PDE1C: variants seen among roughly 807,000 people sequenced by gnomAD.
PDE1C encodes the protein dual specificity calcium/calmodulin-dependent 3',5'-cyclic nucleotide phosphodiesterase 1C.
PDE1C carries 62 observed loss-of-function variants against 93.1 expected under a neutral mutation model. The ratio of observed to expected loss-of-function variants is 0.67; its 90% CI spans 0.54 to 0.82. PDE1C has a LOEUF of 0.82. Ranked by LOEUF, PDE1C falls within the 40% of genes least tolerant of loss-of-function variation. The probability of loss-of-function intolerance (pLI) is 0.00; values close to 1 mark genes in which losing one functional copy is unlikely to be tolerated. For missense variants in PDE1C, 742 were observed against 884.6 expected, an observed-to-expected ratio of 0.84 and a Z score of 2.04; for synonymous variants, 325 against 310.1, an observed-to-expected ratio of 1.05 and a Z score of -0.50.
At chr7:31,851,189 G>C (rs1583602793) in intron 7 of PDE1C, among the ~76,000 whole-genome samples, 1 of 152,124 alleles carries the variant, frequency 6.6e-6, no homozygotes. Flanking sequence ...CCACTAGGAA[G>C]TGGGTAGAGA....
intron 2 of PDE1C, among the ~76,000 whole-genome samples, chr7:32,035,697 C>T (rs1790976404): frequency 6.6e-6 from 1 of 152,106 alleles, no homozygotes; most frequent in African/African-American, 2.4e-5. Flanking sequence ...AAATGAGTTG[C>T]CAAAAGCCAG....
intron 15 of PDE1C, among the ~76,000 whole-genome samples, chr7:31,812,519 CT>C (rs1787683355): frequency 6.6e-6 from 1 of 152,024 alleles, no homozygotes; most frequent in African/African-American, 2.4e-5. Context: ...CTAAGAATGG[CT>C]TTTACATTTT....
At chr7:31,685,258 G>A in the PDE1C span, among the ~76,000 whole-genome samples, 2 of 152,306 alleles carry the variant, frequency 1.3e-5, no homozygotes, top group East Asian at 1.9e-4. Context: ...GGAGCAGGAG[G>A]TTAGGAAGGA....
intron 1 of PDE1C, among the ~76,000 whole-genome samples, chr7:32,271,292 C>T (rs1214876916): frequency 2.0e-5 from 3 of 152,164 alleles, no homozygotes; most frequent in Non-Finnish European, 4.4e-5. Context: ...AAGAGTTTTG[C>T]TTTTTGTTTG....
At chr7:31,990,067 T>C (rs1328025291) in intron 2 of PDE1C, among the ~76,000 whole-genome samples, 2 of 152,164 alleles carry the variant, frequency 1.3e-5, no homozygotes, top group African/African-American at 2.4e-5. Flanking sequence ...ACATGTGCTA[T>C]GGGAGACATG....
At chr7:32,319,556 G>C (rs564879283) in intron 1 of PDE1C, among the ~76,000 whole-genome samples, 2 of 152,324 alleles carry the variant, frequency 1.3e-5, no homozygotes, top group South Asian at 4.1e-4. Flanking sequence ...TCTAGGGGAG[G>C]CAAAACGGGA....
intron 1 of PDE1C, among the ~76,000 whole-genome samples, chr7:32,292,322 G>C (rs1419768736): frequency 6.6e-6 from 1 of 152,060 alleles, no homozygotes; most frequent in African/African-American, 2.4e-5. Context: ...CAAATTTTTA[G>C]GTGTACGACA....
chr7:32,013,419 C>A (rs1482230346), intron 2 of PDE1C, among the ~76,000 whole-genome samples: 2 of 152,180 alleles, frequency 1.3e-5, no homozygotes, highest in Non-Finnish European at 2.9e-5. Flanking sequence ...AGTTTTGCCA[C>A]AAGAATACAC....
chr7:32,290,087 G>A (rs894479221), intron 1 of PDE1C, among the ~76,000 whole-genome samples: 8 of 152,112 alleles, frequency 5.3e-5, no homozygotes, highest in Non-Finnish European at 5.9e-5. Flanking sequence ...GGAAGGCCTG[G>A]TTCTCAGGCC....
chr7:32,084,667 A>G (rs1275280571), intron 3 of PDE1C, among the ~76,000 whole-genome samples: 6 of 149,934 alleles, frequency 4.0e-5, no homozygotes, highest in East Asian at 1.9e-4. Flanking sequence ...AGACCACAGT[A>G]CAATCAAACT....
chr7:32,374,053 G>T (rs1301578438), intron 1 of PDE1C, among the ~76,000 whole-genome samples: 1 of 137,778 alleles, frequency 7.3e-6, no homozygotes, highest in African/African-American at 2.7e-5. Flanking sequence ...AATAAAGAAA[G>T]GGAGGTAGGC....
At position 31,766,937 on chromosome 7, in the gene PDE1C, C is replaced by T. The variant is rs115603395; in HGVS notation, c.1960+8727G>A. ...TTTCTTTTACTATGCATTAGCAAAC[C>T]TAATGTATGGCAAAAGTTTTTTTAT... On this transcript the variant is annotated intron_variant, in intron 17 of 17. Coordinates refer to ENST00000396191, the MANE Select transcript of PDE1C (RefSeq NM_001191057.4). Among the ~76,000 whole-genome samples the T allele has an allele frequency of 5.4e-3, 825 of 152,182 alleles. 6 individuals carry two copies. The highest frequency in any genetic ancestry group is 0.018 in the African/African-American group (759 of 41,496).
rs151206931 is a variant in PDE1C at position 32,403,785 on chromosome 7, A to G, written c.310+24037T>C. 5.5e-3 allele frequency among the ~76,000 whole-genome samples: 838 copies of G among 152,344 alleles called. 5 individuals carry two copies. Among genetic ancestry groups the G allele is most frequent in the Middle Eastern group, 0.014 (4 of 294 alleles). On this transcript the variant is annotated intron_variant, in intron 1 of 1. Transcript: ENST00000672256. Reference sequence around the variant, plus strand: ...GGCTTTGTTTTATATTAACAGATTCAGTGATGCATGCAGTAACATTCTTAT... The same window carrying G: ...GGCTTTGTTTTATATTAACAGATTCGGTGATGCATGCAGTAACATTCTTAT...
intron 1 of PDE1C, among the ~76,000 whole-genome samples, chr7:32,323,473 G>C (rs1260087107): frequency 6.6e-6 from 1 of 152,138 alleles, no homozygotes; most frequent in Non-Finnish European, 1.5e-5. Flanking sequence ...CCCAGACCTA[G>C]GTGGGCAGGA....
chr7:32,006,044 T>G (rs1405366565), intron 2 of PDE1C, among the ~76,000 whole-genome samples: 2 of 152,230 alleles, frequency 1.3e-5, no homozygotes, highest in Non-Finnish European at 2.9e-5. Flanking sequence ...AGGGGCCTTT[T>G]CTTTTTGCAG....
intron 1 of PDE1C, among the ~76,000 whole-genome samples, chr7:32,213,281 AT>A (rs1369307382): frequency 1.3e-5 from 2 of 152,288 alleles, no homozygotes; most frequent in South Asian, 2.1e-4. Context: ...TACTGGGGCG[AT>A]TGGAACACAA....
chr7:31,743,076 G>T, the PDE1C span, among the ~76,000 whole-genome samples: 274 of 133,314 alleles, frequency 2.1e-3, no homozygotes, highest in Middle Eastern at 8.4e-3. Context: ...TAGTTTTTTT[G>T]TTGTTGTTGT....
chr7:31,878,137 TG>T, intron 4 of PDE1C, 101 bp from the exon 5 acceptor site: 2 of 760,832 alleles, frequency 2.6e-6, no homozygotes, highest in East Asian at 2.7e-5. Flanking sequence ...AGAAGTCAAG[TG>T]GGGTGATCCA....
intron 1 of PDE1C, among the ~76,000 whole-genome samples, chr7:32,222,769 G>C (rs1303067984): frequency 1.3e-5 from 2 of 152,092 alleles, no homozygotes; most frequent in African/African-American, 4.8e-5. Flanking sequence ...ATGTGCATTA[G>C]GACTCTAACA....
Sources: gnomAD v4.1 joint callset for allele counts (sites outside exome capture counted in the v4.1 genomes callset) on GRCh38, gnomAD v4.1.1 for gene constraint, MANE v1.5 for transcripts, NCBI Gene and HGNC (gene_info 2026-07-23, HGNC 2026-07-21) for gene names.